PRR5L: variants seen among roughly 807,000 people sequenced by gnomAD.
PRR5L encodes the protein proline-rich protein 5-like.
Under a neutral mutation model 36.4 loss-of-function variants are expected in PRR5L, and 21 were observed. The observed-to-expected ratio is 0.58, with a 90% CI of 0.41 to 0.83. PRR5L has a LOEUF of 0.83. PRR5L is among the 40% of genes least tolerant of loss of function. PRR5L has a pLI of 0.00. For missense variants in PRR5L, 381 were observed against 473.3 expected, an observed-to-expected ratio of 0.80 and a Z score of 1.81; for synonymous variants, 188 against 197.0, an observed-to-expected ratio of 0.95 and a Z score of 0.38.
chr11:36,371,624 T>C (rs191340805), intron 1 of PRR5L, among the ~76,000 whole-genome samples: 17 of 152,348 alleles, frequency 1.1e-4, no homozygotes, highest in Non-Finnish European at 1.6e-4. Context: ...TGGGAGGATA[T>C]ATGTTTTTCT....
rs16928812 is a variant in PRR5L, at chr11:36,423,991, C to T, written c.294+4688C>T. Among the ~76,000 whole-genome samples, 944 of 152,296 alleles carry T rather than the reference C, an allele frequency of 6.2e-3. 26 individuals carry two copies. The highest frequency in any genetic ancestry group is 0.045 in the East Asian group (234 of 5,178). ...CCTGTCAGAGGTCACCTCTCAGCAG[C>T]TTTGCCATTCTTAATCTCCTTAGCA... On this transcript the variant is annotated intron_variant, in intron 4 of 8. Transcript: ENST00000530639.
At chr11:36,350,609 T>C (rs915446097) in intron 1 of PRR5L, among the ~76,000 whole-genome samples, 1 of 151,854 alleles carries the variant, frequency 6.6e-6, no homozygotes, top group Non-Finnish European at 1.5e-5. Context: ...TCTTTAGTGG[T>C]GATTTCTGAG....
intron 1 of PRR5L, among the ~76,000 whole-genome samples, chr11:36,370,251 G>T (rs1857184316): frequency 6.6e-6 from 1 of 152,086 alleles, no homozygotes; most frequent in South Asian, 2.1e-4. Context: ...ACATTCTTCT[G>T]TTTCCATAAA....
chr11:36,419,173 G>T lies in PRR5L; in HGVS notation c.246-82G>T, dbSNP rs190210560. On this transcript the variant is annotated intron_variant, in intron 3 of 8. Transcript: ENST00000530639. ...AAGATCTCAGACCTGGCCCCACCCCGTGCCACTGGTGAGCACATTGTCACC... is the reference window on the plus strand; with the variant it reads ...AAGATCTCAGACCTGGCCCCACCCCTTGCCACTGGTGAGCACATTGTCACC... 6.1e-6 allele frequency: 8 copies of T among 1,321,944 alleles called. No individual in the cohort carries two copies. The Admixed American group carries it at 1.2e-4, about 19-fold the overall frequency. The allele number at this position is 1,321,944 out of a possible 1,614,324, so 81.9% of individuals were successfully genotyped here.
intron 1 of PRR5L, among the ~76,000 whole-genome samples, chr11:36,298,780 T>C (rs1856342250): frequency 6.6e-6 from 1 of 152,140 alleles, no homozygotes; most frequent in Admixed American, 6.6e-5. Context: ...GATCAAGGTG[T>C]TGGAAGGTTT....
chr11:36,351,261 T>C (rs1486543728), intron 1 of PRR5L, among the ~76,000 whole-genome samples: 2 of 20,904 alleles, frequency 9.6e-5, no homozygotes, highest in Non-Finnish European at 1.5e-4. Flanking sequence ...TATATATGTA[T>C]ATTTATATAT....
intron 4 of PRR5L, among the ~76,000 whole-genome samples, chr11:36,427,994 T>A (rs1486062975): frequency 6.6e-6 from 1 of 152,182 alleles, no homozygotes; most frequent in African/African-American, 2.4e-5. Context: ...AGGTCCCCAT[T>A]GAGTCAGCAG....
intron 5 of PRR5L, among the ~76,000 whole-genome samples, chr11:36,432,154 TTTTTTTTTGTTTTGTTTTTGTTTTTG>T (rs1564947411): frequency 3.5e-4 from 2 of 5,676 alleles, no homozygotes; most frequent in East Asian, 0.013. Flanking sequence ...TTGTTCAGGG[TTTTTTTTTGTTTTGTTTTTGTTTTTG>T]TTTTTGTTTT....
chr11:36,333,235 C>G (rs1014850765), intron 1 of PRR5L, among the ~76,000 whole-genome samples: 3 of 152,144 alleles, frequency 2.0e-5, no homozygotes, highest in Non-Finnish European at 4.4e-5. Flanking sequence ...ACTGACAATA[C>G]CAGGTATTGG....
At chr11:36,311,220 C>A (rs375577658) in intron 1 of PRR5L, among the ~76,000 whole-genome samples, 3 of 152,144 alleles carry the variant, frequency 2.0e-5, no homozygotes, top group Non-Finnish European at 4.4e-5. Context: ...CATTCTAAGG[C>A]GTGGCTGCTT....
intron 3 of PRR5L, among the ~76,000 whole-genome samples, chr11:36,411,856 G>C (rs953037302): frequency 1.3e-5 from 2 of 152,234 alleles, no homozygotes; most frequent in African/African-American, 4.8e-5. Context: ...CCCAGTGTAG[G>C]AAATGCTAGT....
At chr11:36,330,035 T>C (rs1856703195) in intron 1 of PRR5L, among the ~76,000 whole-genome samples, 1 of 152,232 alleles carries the variant, frequency 6.6e-6, no homozygotes, top group South Asian at 2.1e-4. Flanking sequence ...CTTCATAATA[T>C]AACCTATGTT....
chr11:36,390,809 A>G (rs938940452), intron 1 of PRR5L, among the ~76,000 whole-genome samples: 5 of 152,244 alleles, frequency 3.3e-5, no homozygotes, highest in African/African-American at 1.2e-4. Flanking sequence ...CTGAGATAAT[A>G]CATGTCAAGT....
chr11:36,443,127 A>T (rs769677398), intron 6 of PRR5L, among the ~76,000 whole-genome samples: 2 of 152,224 alleles, frequency 1.3e-5, no homozygotes, highest in Non-Finnish European at 2.9e-5. Flanking sequence ...TGCAGGCTGT[A>T]TATGAAACAC....
At chr11:36,319,567 C>A (rs544584613) in intron 1 of PRR5L, among the ~76,000 whole-genome samples, 1 of 152,208 alleles carries the variant, frequency 6.6e-6, no homozygotes, top group East Asian at 1.9e-4. Flanking sequence ...ATACATAAAC[C>A]AATGGGCTTA....
rs186626797 is a variant in PRR5L, at chr11:36,373,153, C to T, written c.-125-27844C>T. Among the ~76,000 whole-genome samples the T allele has an allele frequency of 2.0e-5, 3 of 152,254 alleles. No homozygotes were observed. In the East Asian group the frequency reaches 5.8e-4, roughly 29 times the overall value. ...GCTGCCTCAGGGATAGCTACTCTTT[C>T]AACAGGAGCCTTGATTGGACTGACT... On this transcript the variant is annotated intron_variant, in intron 1 of 8. Coordinates refer to ENST00000530639, the MANE Select transcript of PRR5L (RefSeq NM_001160167.2).
chr11:36,377,067 T>G lies in PRR5L; in HGVS notation c.-125-23930T>G, dbSNP rs374443461. On this transcript the variant is annotated intron_variant, in intron 1 of 8. Coordinates refer to ENST00000530639, the MANE Select transcript of PRR5L (RefSeq NM_001160167.2). The surrounding 1 kb of genome is among the most constrained non-coding windows in gnomAD (Gnocchi z 5.1). ...TGAGCCGGGAGGTCGAAAAAGAAAG[T>G]CGGCTTGTTTGACTCTCTCGTTCTC... 1.4e-4 allele frequency among the ~76,000 whole-genome samples: 21 copies of G among 152,156 alleles called. No homozygotes were observed. Among genetic ancestry groups the G allele is most frequent in the African/African-American group, 4.1e-4 (17 of 41,538 alleles).
intron 1 of PRR5L, among the ~76,000 whole-genome samples, chr11:36,357,182 C>T (rs184091078): frequency 6.6e-6 from 1 of 152,268 alleles, no homozygotes; most frequent in East Asian, 1.9e-4. Flanking sequence ...AGAGCAAAGC[C>T]CTAGCTCTCT....
intron 1 of PRR5L, among the ~76,000 whole-genome samples, chr11:36,353,467 A>T (rs1044591921): frequency 1.3e-5 from 2 of 152,148 alleles, no homozygotes; most frequent in African/African-American, 4.8e-5. Context: ...ACAAAAATAT[A>T]TTGTGTATGT....
Sources: gnomAD v4.1 joint callset for allele counts (sites outside exome capture counted in the v4.1 genomes callset) on GRCh38, gnomAD v4.1.1 for gene constraint, Gnocchi (gnomAD v3.1) non-coding constraint, MANE v1.5 for transcripts, NCBI Gene and HGNC (gene_info 2026-07-23, HGNC 2026-07-21) for gene names.